The following POU6F2 variants were observed in gnomAD, a reference collection of about 807,000 sequenced individuals.
POU6F2 encodes the protein POU class 6 homeobox 2, also known as POU domain, class 6, transcription factor 2.
A neutral mutation model predicts 71.3 loss-of-function variants in POU6F2; 31 were observed. The observed-to-expected ratio is 0.43, with a 90% CI of 0.33 to 0.59. POU6F2 has a LOEUF of 0.59. Ranked by LOEUF, POU6F2 falls within the 20% of genes least tolerant of loss-of-function variation. The pLI, the probability that POU6F2 is intolerant of heterozygous loss-of-function variation, is 0.04. For synonymous variants in POU6F2, 347 were observed against 355.7 expected, an observed-to-expected ratio of 0.98 and a Z score of 0.27; for missense variants, 783 against 856.8, an observed-to-expected ratio of 0.91 and a Z score of 1.07.
chr7:39,452,428 C>T (rs1357053862), intron 8 of POU6F2, among the ~76,000 whole-genome samples: 1 of 152,172 alleles, frequency 6.6e-6, no homozygotes, highest in Non-Finnish European at 1.5e-5. Context: ...ACGTTTAGTG[C>T]AGTTTTTACT....
intron 4 of POU6F2, among the ~76,000 whole-genome samples, chr7:39,260,429 TAC>T (rs1784112369): frequency 7.1e-6 from 1 of 140,838 alleles, no homozygotes; most frequent in Non-Finnish European, 1.5e-5. Context: ...AACACACATA[TAC>T]ACACACCCCA....
At chr7:39,244,038 A>G (rs1237572293) in intron 4 of POU6F2, among the ~76,000 whole-genome samples, 1 of 152,164 alleles carries the variant, frequency 6.6e-6, no homozygotes, top group Admixed American at 6.5e-5. Context: ...TTCCCTGGTA[A>G]TGTCCATTAT....
At chr7:39,262,079 A>T (rs1035153953) in intron 4 of POU6F2, among the ~76,000 whole-genome samples, 1 of 152,212 alleles carries the variant, frequency 6.6e-6, no homozygotes, top group Non-Finnish European at 1.5e-5. Flanking sequence ...CAATGGTGCC[A>T]GTTTGGGGAG....
chr7:39,008,446 C>T (rs756948117), intron 1 of POU6F2, among the ~76,000 whole-genome samples: 9 of 150,890 alleles, frequency 6.0e-5, no homozygotes, highest in African/African-American at 9.7e-5. Context: ...GAGTAGGTTG[C>T]GAAAATTTTC....
chr7:39,204,258 T>G lies in POU6F2; in HGVS notation c.301T>G (p.Ser101Ala). 6.2e-7 allele frequency: 1 copy of G among 1,613,900 alleles called. No individual in the cohort carries two copies. Among genetic ancestry groups the G allele is most frequent in the Non-Finnish European group, 8.5e-7 (1 of 1,179,822 alleles). The stretch of plus-strand genomic sequence containing the variant: ...AGGGGCTAGAGGAAACCCAGCATTA[T>G]CAGACCCAGGCACTCCTGACCAACA... ...LFGARGNPALSDPGTPDQHQA... is the reference protein window; with the variant it reads ...LFGARGNPALADPGTPDQHQA... Residue 101 changes from serine to alanine, a missense_variant, in exon 3 of 10, where the codon TCA becomes GCA. Physicochemically the swap from Ser to Ala is moderately conservative, Grantham distance 99 (BLOSUM62 1). Coordinates refer to ENST00000518318, the MANE Select transcript of POU6F2 (RefSeq NM_001370959.1).
chr7:39,431,502 GTAT>G (rs1788099229), intron 6 of POU6F2, among the ~76,000 whole-genome samples: 1 of 152,198 alleles, frequency 6.6e-6, no homozygotes, highest in Non-Finnish European at 1.5e-5. Context: ...GTAGAAAGCA[GTAT>G]CACTTACAAA....
At chr7:39,093,303 G>T (rs1242713917) in intron 2 of POU6F2, among the ~76,000 whole-genome samples, 15 of 151,946 alleles carry the variant, frequency 9.9e-5, no homozygotes, top group Non-Finnish European at 1.5e-5. Flanking sequence ...TGAACTAAAT[G>T]CTTCAGAGAT....
chr7:39,423,753 C>T (rs1787907428), intron 6 of POU6F2, among the ~76,000 whole-genome samples: 1 of 152,186 alleles, frequency 6.6e-6, no homozygotes, highest in Non-Finnish European at 1.5e-5. Context: ...GTTCTCTGTC[C>T]ATTTCCAAAA....
intron 4 of POU6F2, among the ~76,000 whole-genome samples, chr7:39,307,319 A>G (rs1785065897): frequency 6.6e-6 from 1 of 152,256 alleles, no homozygotes; most frequent in African/African-American, 2.4e-5. Flanking sequence ...ATACAAAATT[A>G]TGTATTAAAG....
chr7:39,202,104 G>C (rs948706695), intron 2 of POU6F2, among the ~76,000 whole-genome samples: 4 of 152,186 alleles, frequency 2.6e-5, no homozygotes, highest in African/African-American at 9.7e-5. Flanking sequence ...CTCAGAACAA[G>C]CTACTGAGCA....
intron 5 of POU6F2, among the ~76,000 whole-genome samples, chr7:39,377,204 C>T (rs951239239): frequency 6.7e-6 from 1 of 148,832 alleles, no homozygotes; most frequent in African/African-American, 2.5e-5. Flanking sequence ...GATCTCGGCT[C>T]ACTGCAGCCT....
intron 9 of POU6F2, among the ~76,000 whole-genome samples, chr7:39,463,779 G>A (rs1789002497): frequency 6.6e-6 from 1 of 152,178 alleles, no homozygotes; most frequent in East Asian, 1.9e-4. Flanking sequence ...GAAAGAATGT[G>A]ACAACTGTCA....
intron 2 of POU6F2, among the ~76,000 whole-genome samples, chr7:39,135,217 A>G (rs919052443): frequency 2.0e-5 from 3 of 152,206 alleles, no homozygotes; most frequent in Admixed American, 1.3e-4. Flanking sequence ...CATTGACTCA[A>G]AAACTTCAGA....
At chr7:39,238,423 C>A (rs766514080) in intron 4 of POU6F2, among the ~76,000 whole-genome samples, 1 of 152,100 alleles carries the variant, frequency 6.6e-6, no homozygotes, top group Non-Finnish European at 1.5e-5. Context: ...TCTCATCTAC[C>A]ACCTGTTTTT....
At chr7:39,314,408 G>T (rs759685304) in intron 4 of POU6F2, among the ~76,000 whole-genome samples, 5 of 152,210 alleles carry the variant, frequency 3.3e-5, no homozygotes, top group Non-Finnish European at 7.3e-5. Flanking sequence ...GTATTTCTTT[G>T]ATGTAAGGGT....
chr7:39,236,888 A>C (rs971255100), intron 4 of POU6F2, among the ~76,000 whole-genome samples: 2 of 152,214 alleles, frequency 1.3e-5, no homozygotes, highest in African/African-American at 4.8e-5. Flanking sequence ...TTTTTATAAA[A>C]CTGCTAACCA....
intron 4 of POU6F2, among the ~76,000 whole-genome samples, chr7:39,260,667 A>G (rs965861071): frequency 1.3e-5 from 2 of 151,464 alleles, no homozygotes. Context: ...ATACCACACC[A>G]TACACACCAG....
chr7:39,350,299 G>A (rs1280494467), intron 5 of POU6F2, among the ~76,000 whole-genome samples: 1 of 151,996 alleles, frequency 6.6e-6, no homozygotes, highest in Non-Finnish European at 1.5e-5. Context: ...TGTTGTGACT[G>A]TGGCGTTTAA....
chr7:39,221,381 TC>T, intron 4 of POU6F2, among the ~76,000 whole-genome samples: 2 of 130,138 alleles, frequency 1.5e-5, no homozygotes, highest in Admixed American at 7.8e-5. Context: ...ATTCTCTCTC[TC>T]TCTTTTTTTT....
Sources: gnomAD v4.1 joint callset for allele counts (sites outside exome capture counted in the v4.1 genomes callset) on GRCh38, gnomAD v4.1.1 for gene constraint, MANE v1.5 for transcripts, NCBI Gene and HGNC (gene_info 2026-07-23, HGNC 2026-07-21) for gene names.